Variants in CEP57L1 observed in about 807,000 individuals in gnomAD.
CEP57L1 encodes centrosomal protein CEP57L1.
In CEP57L1, 37 loss-of-function variants were observed where a neutral mutation model predicts 61.0. The observed-to-expected ratio is 0.61, with a 90% CI of 0.47 to 0.80. The LOEUF is 0.80. Ranked by LOEUF, CEP57L1 falls within the 30% of genes least tolerant of loss-of-function variation. CEP57L1 has a pLI of 0.00. For missense variants in CEP57L1, 422 were observed against 524.7 expected (o/e 0.80, Z 1.91); for synonymous variants, 137 against 162.3 (o/e 0.84, Z 1.19).
intron 7 of CEP57L1, chr6:109,158,157 A>G (rs1773392496): frequency 6.5e-6 from 1 of 153,470 alleles, no homozygotes; most frequent in Non-Finnish European, 1.4e-5. Flanking sequence ...GGTATTCCGC[A>G]TTATGGATGT....
At chr6:109,154,538 A>G (rs570757731) in intron 5 of CEP57L1, among the ~76,000 whole-genome samples, 3 of 152,172 alleles carry the variant, frequency 2.0e-5, no homozygotes, top group African/African-American at 7.2e-5. Flanking sequence ...CTTTTCATAC[A>G]ATACAGGTTG....
chr6:109,114,792 T>TA (rs1772090226), intron 1 of CEP57L1, among the ~76,000 whole-genome samples: 1 of 152,096 alleles, frequency 6.6e-6, no homozygotes, highest in South Asian at 2.1e-4. Flanking sequence ...GGTGTTCTGT[T>TA]ACACTGCAAG....
At chr6:109,157,492 G>A in intron 7 of CEP57L1, 1 of 152,176 alleles carries the variant, frequency 6.6e-6, no homozygotes, top group South Asian at 2.1e-4. Context: ...GTGCTGTGTA[G>A]ACAAAGGAAT....
intron 1 of CEP57L1, among the ~76,000 whole-genome samples, chr6:109,106,800 C>T (rs1253131128): frequency 3.3e-5 from 5 of 151,994 alleles, no homozygotes; most frequent in African/African-American, 1.2e-4. Flanking sequence ...ATTAGCATGG[C>T]ATGATGGCAC....
chr6:109,109,787 G>C (rs1301641587), intron 1 of CEP57L1, among the ~76,000 whole-genome samples: 1 of 152,178 alleles, frequency 6.6e-6, no homozygotes, highest in Non-Finnish European at 1.5e-5. Flanking sequence ...AGAACATGTG[G>C]TGTTTGGTTT....
At chr6:109,095,295 A>G, upstream of CEP57L1, 1 of 985,960 alleles carries the variant, frequency 1.0e-6, no homozygotes, top group Non-Finnish European at 1.2e-6. Flanking sequence ...ACATAAAACA[A>G]GCACGACAAA....
chr6:109,143,064 TCC>T (rs1771593519), intron 1 of CEP57L1, among the ~76,000 whole-genome samples: 1 of 148,314 alleles, frequency 6.7e-6, no homozygotes, highest in Non-Finnish European at 1.5e-5. Flanking sequence ...GCAATCTGAC[TCC>T]CCCTCCATTG....
intron 1 of CEP57L1, among the ~76,000 whole-genome samples, chr6:109,131,480 G>T (rs1027607959): frequency 2.6e-5 from 4 of 152,010 alleles, no homozygotes; most frequent in African/African-American, 9.7e-5. Flanking sequence ...TAGCTGGAAT[G>T]GAAAGATATA....
chr6:109,106,552 T>C (rs1413192191), intron 1 of CEP57L1, among the ~76,000 whole-genome samples: 2 of 152,246 alleles, frequency 1.3e-5, no homozygotes, highest in Non-Finnish European at 2.9e-5. Context: ...CCCTAAGACT[T>C]TGAGTTTAAC....
rs139619835 is a variant in CEP57L1, at chr6:109,147,704, G to A, written c.340+767G>A. Among the ~76,000 whole-genome samples the A allele has an allele frequency of 5.5e-4, 84 of 152,264 alleles. No individual in the cohort carries two copies. In the East Asian group the frequency reaches 0.014, roughly 25 times the overall value. On this transcript the variant is annotated intron_variant, in intron 3 of 10. Transcript: ENST00000517392. ...TGCTGTGGAATTAACTGTTCTGCCA[G>A]CAGTCAAGAACAGGGGAAAATGAGA...
intron 1 of CEP57L1, among the ~76,000 whole-genome samples, chr6:109,111,191 T>C (rs540560906): frequency 1.3e-5 from 2 of 152,372 alleles, no homozygotes; most frequent in Non-Finnish European, 2.9e-5. Flanking sequence ...TTGTGTCCTC[T>C]CTTATTTCCT....
intron 1 of CEP57L1, among the ~76,000 whole-genome samples, chr6:109,115,869 T>C (rs777760134): frequency 1.1e-4 from 16 of 152,194 alleles, no homozygotes; most frequent in Non-Finnish European, 1.8e-4. Flanking sequence ...TAAAAGCTTG[T>C]AAGTGGTAAT....
intron 1 of CEP57L1, among the ~76,000 whole-genome samples, chr6:109,138,154 G>A (rs1770946104): frequency 6.6e-6 from 1 of 152,144 alleles, no homozygotes; most frequent in African/African-American, 2.4e-5. Flanking sequence ...ATTCATATAT[G>A]GCTTTGTAAA....
rs533516046 is a variant in CEP57L1, at chr6:109,135,016, C to T, written c.-3-10203C>T. On this transcript the variant is annotated intron_variant, in intron 1 of 10. Transcript: ENST00000517392. ...AAGTAATTTATAGATTCAATGCCAT[C>T]CCCATCAAGCTACCAATGACTTTCT... Among the ~76,000 whole-genome samples the T allele has an allele frequency of 4.4e-3, 675 of 152,186 alleles. 4 individuals are homozygous for T. The highest frequency in any genetic ancestry group is 7.0e-3 in the Non-Finnish European group (477 of 67,984).
chr6:109,144,792 CAGTATT>C (rs1196190714), intron 1 of CEP57L1, among the ~76,000 whole-genome samples: 1 of 152,032 alleles, frequency 6.6e-6, no homozygotes, highest in African/African-American at 2.4e-5. Flanking sequence ...ATTCAACAAT[CAGTATT>C]AGAGAATCAG....
chr6:109,129,049 A>C (rs902491495), intron 1 of CEP57L1, among the ~76,000 whole-genome samples: 3 of 152,028 alleles, frequency 2.0e-5, no homozygotes, highest in Admixed American at 6.5e-5. Context: ...AAATACAAAA[A>C]ATTAGCCAGG....
chr6:109,095,766 G>A (rs1339160309), intron 1 of CEP57L1, among the ~76,000 whole-genome samples, 191 bp downstream of exon 1: 1 of 152,122 alleles, frequency 6.6e-6, no homozygotes, highest in Non-Finnish European at 1.5e-5. Flanking sequence ...CAAGGATTTG[G>A]GATCCTGATC....
rs892209776 is a variant in CEP57L1, at chr6:109,167,646, C to A, written c.*4676C>A. 1.3e-5 allele frequency among the ~76,000 whole-genome samples: 2 copies of A among 150,238 alleles called. No homozygotes were observed. Among genetic ancestry groups the A allele is most frequent in the African/African-American group, 4.9e-5 (2 of 40,474 alleles). On this transcript the variant is annotated 3_prime_UTR_variant, in exon 11 of 11. Coordinates refer to ENST00000517392, the MANE Select transcript of CEP57L1 (RefSeq NM_001271852.3). ...GAGCCGAGATTGTGCCACTGCACTC[C>A]AGCCTGGGCAACAGAGCAAGACTCT...
At position 109,172,113 on chromosome 6, in the gene CEP57L1, C is replaced by T. The variant is rs780916366; in HGVS notation, c.*9143C>T. The stretch of plus-strand genomic sequence containing the variant: ...TGAAAAAAGGCACATAGGGCAAAGT[C>T]TGGGGGACACCAGGCACAAGCTTCC... On this transcript the variant is annotated 3_prime_UTR_variant, in exon 11 of 11. Coordinates refer to ENST00000517392, the MANE Select transcript of CEP57L1 (RefSeq NM_001271852.3). Among the ~76,000 whole-genome samples, 1 of 152,130 alleles carries T rather than the reference C, an allele frequency of 6.6e-6. No homozygotes were observed. Among genetic ancestry groups the T allele is most frequent in the Non-Finnish European group, 1.5e-5 (1 of 68,026 alleles).
Sources: allele counts gnomAD v4.1 joint callset (sites outside exome capture counted in the v4.1 genomes callset), GRCh38; gene constraint gnomAD v4.1.1; transcripts MANE v1.5; gene names NCBI Gene and HGNC (gene_info 2026-07-23, HGNC 2026-07-21).